FAM13A: variants seen among roughly 807,000 people sequenced by gnomAD.
The protein encoded by FAM13A is family with sequence similarity 13 member A, also known as protein FAM13A.
In FAM13A, 76 loss-of-function variants were observed where a neutral mutation model predicts 129.6. That is an observed-to-expected ratio of 0.59 (90% CI 0.49 to 0.71). The LOEUF (loss-of-function observed/expected upper bound fraction) is 0.71. Among genes scored for constraint, FAM13A ranks in the 30% least tolerant of loss-of-function variants. The pLI is 0.00. For missense variants in FAM13A, 1,108 were observed against 1,249.3 expected, an observed-to-expected ratio of 0.89 and a Z score of 1.70; for synonymous variants, 443 against 449.9, an observed-to-expected ratio of 0.98 and a Z score of 0.20.
At chr4:88,746,077 T>A (rs1741267408) in intron 19 of FAM13A, among the ~76,000 whole-genome samples, 1 of 152,092 alleles carries the variant, frequency 6.6e-6, no homozygotes, top group Non-Finnish European at 1.5e-5. Context: ...GAGCATATTT[T>A]AGATGAAAAG....
Position 88,865,884 on chromosome 4 carries a change from T to C in FAM13A, c.844-14701A>G, listed in dbSNP as rs1348521806. 6.0e-5 allele frequency among the ~76,000 whole-genome samples: 8 copies of C among 133,142 alleles called. 1 individual carries two copies. Among genetic ancestry groups the C allele is most frequent in the African/African-American group, 2.3e-4 (8 of 34,054 alleles). The allele number at this position is 133,142 out of a possible 152,430, so 87.3% of individuals were successfully genotyped here. ...CTTTTTCCTTTGTCTCTCTCTTTTT[T>C]TTTTTTTTTTTTTTTTTTTTTTTGA... On this transcript the variant is annotated intron_variant, in intron 6 of 23. Transcript: ENST00000264344.
At position 88,809,880 on chromosome 4, in the gene FAM13A, T is replaced by C. The variant is rs1408778456; in HGVS notation, c.1008-4828A>G. The stretch of plus-strand genomic sequence containing the variant: ...AAGTCCCGGTGGGCTTTTTTTTTTT[T>C]TCCTGGAAAACAAATGTAAGAGTTT... On this transcript the variant is annotated intron_variant, in intron 7 of 23. Transcript: ENST00000264344. 3.3e-5 allele frequency among the ~76,000 whole-genome samples: 5 copies of C among 151,532 alleles called. No individual in the cohort carries two copies. In the East Asian group the frequency reaches 9.7e-4, roughly 29 times the overall value.
intron 8 of FAM13A, among the ~76,000 whole-genome samples, chr4:88,803,172 T>G (rs749667302): frequency 7.2e-5 from 11 of 152,212 alleles, no homozygotes; most frequent in Non-Finnish European, 1.5e-4. Flanking sequence ...TTTGAAATTC[T>G]AATTTCAGGC....
At chr4:88,932,768 T>C (rs1360612918) in intron 5 of FAM13A, among the ~76,000 whole-genome samples, 1 of 152,202 alleles carries the variant, frequency 6.6e-6, no homozygotes, top group Admixed American at 6.5e-5. Flanking sequence ...GTGGTCAAAC[T>C]TGCCATAACA....
intron 4 of FAM13A, among the ~76,000 whole-genome samples, chr4:88,955,287 C>A (rs921697341): frequency 2.6e-5 from 4 of 151,922 alleles, no homozygotes; most frequent in African/African-American, 9.7e-5. Context: ...AGGGAAAAGA[C>A]CTCTATTAAC....
intron 7 of FAM13A, among the ~76,000 whole-genome samples, chr4:88,834,278 T>A (rs951160292): frequency 6.6e-6 from 1 of 151,966 alleles, no homozygotes; most frequent in African/African-American, 2.4e-5. Context: ...TATGTTTATA[T>A]TATCTTTTCT....
At chr4:88,929,744 T>A (rs1480257583) in intron 5 of FAM13A, among the ~76,000 whole-genome samples, 1 of 152,166 alleles carries the variant, frequency 6.6e-6, no homozygotes, top group Non-Finnish European at 1.5e-5. Context: ...TTCTGCTTTG[T>A]TTTTTGTTTT....
At chr4:88,817,495 A>G (rs1043477142) in intron 7 of FAM13A, among the ~76,000 whole-genome samples, 1 of 151,994 alleles carries the variant, frequency 6.6e-6, no homozygotes, top group African/African-American at 2.4e-5. Context: ...CCCAGGAGGC[A>G]GAGGTTGCAA....
intron 6 of FAM13A, among the ~76,000 whole-genome samples, chr4:88,863,010 A>ATATACATATATATATATG (rs144141989): frequency 0.47 from 70,268 of 150,472 alleles, 17,148 homozygotes; most frequent in East Asian, 0.81. Context: ...AAATATATAC[A>ATATACATATATATATATG]TATATATTTG....
At chr4:88,819,607 C>G (rs1457524904) in intron 7 of FAM13A, among the ~76,000 whole-genome samples, 1 of 152,112 alleles carries the variant, frequency 6.6e-6, no homozygotes, top group East Asian at 1.9e-4. Context: ...TCTGACAAAA[C>G]AGATTATCTC....
At chr4:88,776,058 T>G (rs1721644321) in intron 11 of FAM13A, among the ~76,000 whole-genome samples, 1 of 152,204 alleles carries the variant, frequency 6.6e-6, no homozygotes, top group South Asian at 2.1e-4. Flanking sequence ...AAGGAAGTTG[T>G]TCGTAGATAA....
chr4:89,029,299 T>A (rs1006410907), intron 2 of FAM13A, among the ~76,000 whole-genome samples, 161 bp downstream of exon 2: 2 of 152,230 alleles, frequency 1.3e-5, no homozygotes, highest in Non-Finnish European at 2.9e-5. Context: ...TAAGCAGTAA[T>A]GCCCTTTTTT....
chr4:88,786,497 T>G (rs1410938830), intron 10 of FAM13A, among the ~76,000 whole-genome samples: 1 of 152,228 alleles, frequency 6.6e-6, no homozygotes, highest in African/African-American at 2.4e-5. Context: ...TAATTTTAAA[T>G]GTAAATATCT....
At chr4:88,982,214 A>G (rs970835329) in intron 4 of FAM13A, among the ~76,000 whole-genome samples, 11 of 152,244 alleles carry the variant, frequency 7.2e-5, no homozygotes, top group Non-Finnish European at 1.5e-4. Context: ...ATTAAATATT[A>G]ACAAGCATAC....
At chr4:89,014,745 C>T (rs1766231683) in intron 3 of FAM13A, among the ~76,000 whole-genome samples, 2 of 152,302 alleles carry the variant, frequency 1.3e-5, no homozygotes, top group South Asian at 4.1e-4. Context: ...TCTCTTAATC[C>T]TGTCATCTTC....
chr4:88,746,635 G>A (rs545837076), intron 19 of FAM13A, among the ~76,000 whole-genome samples: 3 of 152,100 alleles, frequency 2.0e-5, no homozygotes, highest in Admixed American at 6.5e-5. Flanking sequence ...CTGCCCCTCC[G>A]ACCCCTGGCC....
intron 4 of FAM13A, among the ~76,000 whole-genome samples, chr4:88,955,885 A>T (rs933299960): frequency 6.6e-6 from 1 of 152,206 alleles, no homozygotes; most frequent in Non-Finnish European, 1.5e-5. Context: ...CAGCCTGATG[A>T]TGCAATAGAA....
intron 7 of FAM13A, among the ~76,000 whole-genome samples, chr4:88,850,788 G>A (rs965205980): frequency 5.9e-5 from 9 of 152,154 alleles, no homozygotes; most frequent in Admixed American, 5.2e-4. Flanking sequence ...CATAACTTCT[G>A]TTGATTAAAT....
At chr4:88,898,305 T>A (rs1444293714) in intron 6 of FAM13A, among the ~76,000 whole-genome samples, 2 of 152,148 alleles carry the variant, frequency 1.3e-5, no homozygotes, top group Non-Finnish European at 2.9e-5. Context: ...GTTTAGTGAG[T>A]ATATTTTTGA....
Sources: gnomAD v4.1 joint callset for allele counts (sites outside exome capture counted in the v4.1 genomes callset) on GRCh38, gnomAD v4.1.1 for gene constraint, MANE v1.5 for transcripts, NCBI Gene and HGNC (gene_info 2026-07-23, HGNC 2026-07-21) for gene names.